The following DNMT1 variants were observed in gnomAD, a reference collection of about 807,000 sequenced individuals.
DNMT1 encodes the protein DNA (cytosine-5)-methyltransferase 1.
DNMT1 carries 24 observed loss-of-function variants against 205.3 expected under a neutral mutation model. The ratio of observed to expected loss-of-function variants is 0.12; its 90% confidence interval spans 0.08 to 0.16. The LOEUF is 0.16. Among genes scored for constraint, DNMT1 ranks in the 10% least tolerant of loss-of-function variants. The pLI, the probability that DNMT1 is intolerant of heterozygous loss-of-function variation, is 1.00. For synonymous variants in DNMT1, 817 were observed against 839.8 expected (o/e 0.97, Z 0.47); for missense variants, 1,293 against 2,177.7 (o/e 0.59, Z 8.09).
intron 1 of DNMT1, among the ~76,000 whole-genome samples, chr19:10,192,995 C>T (rs186685864): frequency 6.6e-6 from 1 of 152,074 alleles, no homozygotes; most frequent in Admixed American, 6.6e-5. Flanking sequence ...TGCAGTGAGC[C>T]GAGATCACGC....
At position 10,140,827 on chromosome 19, in the gene DNMT1, A is replaced by G. The variant is rs2145267098; in HGVS notation, c.3477T>C (p.Asp1159=). 1 of 1,614,180 alleles carries G rather than the reference A, an allele frequency of 6.2e-7. No individual in the cohort carries two copies. ...ACAACCCCCCGCAGCCAGAAAACAC[A>G]TCCAGGGTCCGCAGCTTGGGCAGCT... The part of the protein sequence containing the change: ...EIKLPKLRTL[D]VFSGCGGLSE... Residue 1159 remains aspartate (D), a synonymous_variant, in exon 32 of 41, where the codon GAT becomes GAC. Coordinates refer to ENST00000359526, the MANE Select transcript of DNMT1 (RefSeq NM_001130823.3). The surrounding 1 kb of genome is among the most constrained non-coding windows in gnomAD (Gnocchi z 8.4).
At chr19:10,139,491 T>A (rs2089559174) in intron 34 of DNMT1, among the ~76,000 whole-genome samples, 185 bp downstream of exon 34, 1 of 152,232 alleles carries the variant, frequency 6.6e-6, no homozygotes, top group African/African-American at 2.4e-5. Flanking sequence ...GCGGTGGACT[T>A]GCTGGGGGCC....
chr19:10,167,242 CTGGAGTGCAG>C (rs752076592), intron 10 of DNMT1, among the ~76,000 whole-genome samples: 8 of 151,908 alleles, frequency 5.3e-5, no homozygotes, highest in Non-Finnish European at 1.2e-4. Context: ...ATCACCTACC[CTGGAGTGCAG>C]TGATGTGATC....
Position 10,138,442 on chromosome 19 carries a change from G to C in DNMT1, c.4112C>G (p.Thr1371Ser). ...VDDKKFVSNI[T>S]RLSSGPFRTI... ...AGGAGCGACGGGGGCCACCTACCTG[G>C]TTATGTTGCTCACAAACTTCTTGTC... is the stretch of plus-strand genomic sequence containing the variant. Residue 1371 changes from threonine to serine, a missense_variant, in exon 35 of 41, where the codon ACC (threonine) becomes AGC (serine). Thr to Ser is a moderately conservative substitution (Grantham distance 58). Around this residue, in one of 13 missense-constraint regions of DNMT1, gnomAD observed 148 missense variants for 256.1 expected, o/e 0.58. Transcript: ENST00000359526. The surrounding 1 kb of genome is among the most constrained non-coding windows in gnomAD (Gnocchi z 4.1). The C allele has an allele frequency of 3.1e-6, 5 of 1,613,986 alleles. No homozygotes were observed. The highest frequency in any genetic ancestry group is 4.2e-6 in the Non-Finnish European group (5 of 1,180,042).
rs184922552 is a variant in DNMT1 at position 10,148,821 on chromosome 19, G to A, written c.2720+63C>T. On this transcript the variant is annotated intron_variant, in intron 27 of 40. Coordinates refer to ENST00000359526, the MANE Select transcript of DNMT1 (RefSeq NM_001130823.3). The stretch of plus-strand genomic sequence containing the variant: ...GGAAGCCAACCAGACGGAAGCACAC[G>A]GGAAAAGGGAGTGATGTGGGCTGAA... The A allele has an allele frequency of 2.7e-4, 430 of 1,612,340 alleles. 2 individuals carry two copies. Among genetic ancestry groups the A allele is most frequent in the African/African-American group, 2.3e-3 (175 of 75,006 alleles).
In DNMT1 at chr19:10,140,660, G is replaced by C. The variant is rs2089583693; in HGVS notation, c.3523+121C>G. 6.4e-7 allele frequency: 1 copy of C among 1,564,772 alleles called. No individual in the cohort carries two copies. Among genetic ancestry groups the C allele is most frequent in the Non-Finnish European group, 8.8e-7 (1 of 1,140,226 alleles). ...TGGGATTACAGGCGTGCGCCACCGT[G>C]CCTGGCCTCGGAAGGAGATTCTTGA... On this transcript the variant is annotated intron_variant, in intron 32 of 40. Coordinates refer to ENST00000359526, the MANE Select transcript of DNMT1 (RefSeq NM_001130823.3). The surrounding 1 kb of genome is among the most constrained non-coding windows in gnomAD (Gnocchi z 8.4).
intron 6 of DNMT1, among the ~76,000 whole-genome samples, chr19:10,176,689 C>T (rs2145367812): frequency 6.6e-6 from 1 of 152,224 alleles, no homozygotes; most frequent in South Asian, 2.1e-4. Context: ...GAAACCCCAC[C>T]TCTACTAAAA....
intron 11 of DNMT1, among the ~76,000 whole-genome samples, chr19:10,166,354 C>A (rs1340818444): frequency 1.3e-5 from 2 of 152,124 alleles, no homozygotes; most frequent in East Asian, 3.9e-4. Flanking sequence ...CTCACACAGA[C>A]CCTCTCTAGT....
At position 10,155,920 on chromosome 19, in the gene DNMT1, G is replaced by A. The variant is rs960809428; in HGVS notation, c.1425C>T (p.Gly475=). 5.0e-6 allele frequency: 8 copies of A among 1,613,592 alleles called. No homozygotes were observed. Among genetic ancestry groups the A allele is most frequent in the Admixed American group, 1.7e-5 (1 of 59,956 alleles). ...CAGTGATCCACCATTCATTTATGGG[G>A]CCAAGATTTTTGCCATTAACACCAC... ...LEGGVNGKNL[G]PINEWWITGF... Residue 475 remains glycine, a synonymous_variant, in exon 19 of 41, where the codon GGC becomes GGT. Coordinates refer to ENST00000359526, the MANE Select transcript of DNMT1 (RefSeq NM_001130823.3).
intron 28 of DNMT1, among the ~76,000 whole-genome samples, chr19:10,145,541 G>A (rs10418707): frequency 0.11 from 17,075 of 152,238 alleles, 1,402 homozygotes; most frequent in East Asian, 0.39. Context: ...GTGTGGAAAC[G>A]ATCTGTGGCT....
At chr19:10,158,507 AAGGAGGC>A (rs1277652645) in intron 17 of DNMT1, among the ~76,000 whole-genome samples, 1 of 152,144 alleles carries the variant, frequency 6.6e-6, no homozygotes, top group African/African-American at 2.4e-5. Flanking sequence ...CCAGGCCTAA[AAGGAGGC>A]AGGGCCGTTC....
At position 10,159,867 on chromosome 19, in the gene DNMT1, T is replaced by A. The variant is rs141562679; in HGVS notation, c.1145A>T (p.Lys382Ile). 9 of 1,614,168 alleles carry A rather than the reference T, an allele frequency of 5.6e-6. No homozygotes were observed. Among genetic ancestry groups the A allele is most frequent in the Non-Finnish European group, 6.8e-6 (8 of 1,180,028 alleles). ...CGCGTCTGGTGGGTGCTGCCCATAT[T>A]TGAGGTCAGGGTCGTCCAGGTACTG... is the stretch of plus-strand genomic sequence containing the variant. ...CGQYLDDPDL[K>I]YGQHPPDAVD... The change falls in exon 16 of 41, where the codon AAA becomes ATA. Residue 382 changes from lysine to isoleucine, a missense_variant. This residue lies in a region of DNMT1 where 120 missense variants were observed against 315.9 expected (regional missense o/e 0.38). Transcript: ENST00000359526. The surrounding 1 kb of genome is among the most constrained non-coding windows in gnomAD (Gnocchi z 5.0).
intron 9 of DNMT1, among the ~76,000 whole-genome samples, chr19:10,172,687 C>T (rs1004669738): frequency 2.6e-5 from 4 of 151,688 alleles, no homozygotes; most frequent in Admixed American, 6.6e-5. Flanking sequence ...TGGCGGCGGG[C>T]GCCTGTAGTC....
Position 10,151,403 on chromosome 19 carries a change from C to A in DNMT1, c.2260G>T (p.Val754Phe). 1 of 1,613,376 alleles carries A rather than the reference C, an allele frequency of 6.2e-7. No homozygotes were observed. Among genetic ancestry groups the A allele is most frequent in the Admixed American group, 1.7e-5 (1 of 60,006 alleles). Reference sequence around the variant, plus strand: ...CAAGGGGCTCCAAGGGTTACCTTGACGGCTTCTCCGACCCAAGAGATGCGA... The same window carrying A: ...CAAGGGGCTCCAAGGGTTACCTTGAAGGCTTCTCCGACCCAAGAGATGCGA... ...KNRISWVGEA[V>F]KTDGKKSYYK... is the part of the protein sequence containing the mutation. The change falls in exon 24 of 41, where the codon GTC becomes TTC. Residue 754 changes from valine to phenylalanine, a missense_variant. By Grantham distance (50) the Val-to-Phe change is conservative. Coordinates refer to ENST00000359526, the MANE Select transcript of DNMT1 (RefSeq NM_001130823.3). The surrounding 1 kb of genome is among the most constrained non-coding windows in gnomAD (Gnocchi z 5.0).
In DNMT1 at chr19:10,180,566, C is replaced by T. The variant is rs746687493; in HGVS notation, c.229G>A (p.Gly77Ser). The T allele has an allele frequency of 5.0e-6, 8 of 1,613,876 alleles. No individual in the cohort carries two copies. Among genetic ancestry groups the T allele is most frequent in the South Asian group, 1.1e-5 (1 of 91,078 alleles). ...KLRKEELSEEGYLAKVKSLLN... is the reference protein window; with the variant it reads ...KLRKEELSEESYLAKVKSLLN... ...AGGGATTTGACTTTAGCCAGGTAGC[C>T]CTCCTACAGCAGGAAAGGATAATTT... Residue 77 changes from glycine (G) to serine (S), a missense_variant, in exon 4 of 41, where the codon GGC becomes AGC. This residue lies in a region of DNMT1 where 394 missense variants were observed against 451.6 expected (regional missense o/e 0.87). Transcript: ENST00000359526.
At chr19:10,186,327 G>GT (rs1214813284) in intron 1 of DNMT1, among the ~76,000 whole-genome samples, 1 of 152,140 alleles carries the variant, frequency 6.6e-6, no homozygotes, top group Non-Finnish European at 1.5e-5. Flanking sequence ...CAGGCAGGCA[G>GT]TGAGGAGCTG....
At chr19:10,170,263 C>A (rs1178057280) in intron 9 of DNMT1, among the ~76,000 whole-genome samples, 1 of 151,458 alleles carries the variant, frequency 6.6e-6, no homozygotes, top group Non-Finnish European at 1.5e-5. Context: ...CCAGCCTGAG[C>A]GAAAGAGCAA....
intron 17 of DNMT1, among the ~76,000 whole-genome samples, chr19:10,157,012 A>G (rs2038469584): frequency 2.0e-5 from 3 of 152,184 alleles, no homozygotes; most frequent in Non-Finnish European, 4.4e-5. Context: ...CATCAAGTGT[A>G]TGTGTGTCTG....
intron 1 of DNMT1, 178 bp downstream of exon 1, chr19:10,194,642 G>A (rs2039369027): frequency 2.5e-6 from 2 of 815,188 alleles, no homozygotes. Context: ...CAAACAGCCC[G>A]GGCACGCGCG....
Sources: gnomAD v4.1 joint callset for allele counts (sites outside exome capture counted in the v4.1 genomes callset) on GRCh38, gnomAD v4.1.1 for gene constraint, gnomAD v4.1.1 regional missense constraint, Gnocchi (gnomAD v3.1) non-coding constraint, MANE v1.5 for transcripts, NCBI Gene and HGNC (gene_info 2026-07-23, HGNC 2026-07-21) for gene names.